Variants in MAP2K1 observed in about 807,000 individuals in gnomAD.
MAP2K1 encodes the protein dual specificity mitogen-activated protein kinase kinase 1.
MAP2K1 carries 16 observed loss-of-function variants against 46.3 expected under a neutral mutation model. The observed-to-expected ratio is 0.35, with a 90% confidence interval of 0.23 to 0.52. MAP2K1 has a LOEUF of 0.52. Ranked by LOEUF, MAP2K1 falls within the 20% of genes least tolerant of loss-of-function variation. The probability of loss-of-function intolerance (pLI) is 0.94; values close to 1 mark genes in which losing one functional copy is unlikely to be tolerated. For missense variants in MAP2K1, 263 were observed against 497.1 expected (o/e 0.53, Z 4.48); for synonymous variants, 183 against 185.6 (o/e 0.99, Z 0.11).
intron 4 of MAP2K1, 76 bp downstream of exon 4, chr15:66,443,433 G>A: frequency 1.1e-6 from 1 of 905,098 alleles, no homozygotes; most frequent in Non-Finnish European, 1.9e-6. Flanking sequence ...GGACAAGAGA[G>A]GAAGATGGGA....
intron 4 of MAP2K1, among the ~76,000 whole-genome samples, chr15:66,443,994 T>C (rs1891790757): frequency 6.6e-6 from 1 of 152,114 alleles, no homozygotes; most frequent in South Asian, 2.1e-4. Context: ...TCCCAGCACT[T>C]TGGGAGGCGG....
At chr15:66,459,146 C>G (rs1363070893) in intron 5 of MAP2K1, among the ~76,000 whole-genome samples, 1 of 151,552 alleles carries the variant, frequency 6.6e-6, no homozygotes, top group East Asian at 1.9e-4. Flanking sequence ...AACCCCGTCT[C>G]TACTAAAAAT....
Position 66,490,844 on chromosome 15 carries a change from T to C in MAP2K1, c.*229T>C. The C allele has an allele frequency of 1.6e-6, 1 of 606,372 alleles. No homozygotes were observed. Among genetic ancestry groups the C allele is most frequent in the Non-Finnish European group, 3.0e-6 (1 of 330,502 alleles). The allele number at this position is 606,372 out of a possible 1,614,324, so 37.6% of individuals were successfully genotyped here. A position where few individuals can be genotyped will look rare whatever the true frequency, so the allele number is the denominator to read the frequency against. Reference sequence around the variant, plus strand: ...GGATTGGCTTTGTGCTTGGGGCTATTTGTGTGTATGCTGATGATCAAAACC... The same window carrying C: ...GGATTGGCTTTGTGCTTGGGGCTATCTGTGTGTATGCTGATGATCAAAACC... On this transcript the variant is annotated 3_prime_UTR_variant, in exon 11 of 11. Transcript: ENST00000307102.
chr15:66,478,222 T>C (rs1420667945), intron 5 of MAP2K1, among the ~76,000 whole-genome samples: 2 of 149,788 alleles, frequency 1.3e-5, no homozygotes, highest in South Asian at 2.1e-4. Flanking sequence ...ACTCTCTCTG[T>C]CCTCACAGGG....
intron 5 of MAP2K1, among the ~76,000 whole-genome samples, chr15:66,460,773 G>C (rs1173420166): frequency 2.0e-5 from 3 of 151,984 alleles, no homozygotes; most frequent in African/African-American, 4.8e-5. Flanking sequence ...GATAAGGGGG[G>C]GTCTGAGTTA....
chr15:66,387,266 G>T lies in MAP2K1; in HGVS notation c.-82G>T. 4.7e-6 allele frequency: 6 copies of T among 1,275,086 alleles called. No individual in the cohort carries two copies. Among genetic ancestry groups the T allele is most frequent in the East Asian group, 2.5e-5 (1 of 39,250 alleles). 79.0% of individuals were successfully genotyped at this position (1,275,086 alleles called of 1,614,324 possible). A position where few individuals can be genotyped will look rare whatever the true frequency, so the allele number is the denominator to read the frequency against. On this transcript the variant is annotated 5_prime_UTR_variant, in exon 1 of 11. Coordinates refer to ENST00000307102, the MANE Select transcript of MAP2K1 (RefSeq NM_002755.4). ...CGCGGCCCGGACTTGGTCCTGCGCA[G>T]CGGGCGCGGGGCAGCGCAGCGGGAG...
At chr15:66,454,254 C>T (rs1892108108) in intron 5 of MAP2K1, among the ~76,000 whole-genome samples, 1 of 152,092 alleles carries the variant, frequency 6.6e-6, no homozygotes, top group Non-Finnish European at 1.5e-5. Flanking sequence ...AAGTCTCCAT[C>T]TCTTGTTGGG....
At chr15:66,459,576 C>G (rs1892264476) in intron 5 of MAP2K1, among the ~76,000 whole-genome samples, 1 of 151,210 alleles carries the variant, frequency 6.6e-6, no homozygotes, top group South Asian at 2.1e-4. Context: ...CAAGATCACA[C>G]CACTGCACTC....
At chr15:66,457,206 C>T (rs1211999417) in intron 5 of MAP2K1, among the ~76,000 whole-genome samples, 1 of 152,232 alleles carries the variant, frequency 6.6e-6, no homozygotes, top group Non-Finnish European at 1.5e-5. Flanking sequence ...GCAACCTCTG[C>T]CTCTCAGGTT....
At chr15:66,438,384 A>G (rs960121216) in intron 3 of MAP2K1, among the ~76,000 whole-genome samples, 1 of 151,952 alleles carries the variant, frequency 6.6e-6, no homozygotes, top group African/African-American at 2.4e-5. Context: ...ACCGTGCCCA[A>G]CCAATCTTTT....
chr15:66,468,795 G>A (rs2140645296), intron 5 of MAP2K1, among the ~76,000 whole-genome samples: 1 of 151,644 alleles, frequency 6.6e-6, no homozygotes. Flanking sequence ...GCTGGACGTG[G>A]TGGTGCGTGC....
chr15:66,415,246 A>T, intron 1 of MAP2K1: 3 of 406,358 alleles, frequency 7.4e-6, no homozygotes, highest in Admixed American at 3.2e-5. Flanking sequence ...TTTTAAGCAA[A>T]CTGTGGGCCC....
intron 5 of MAP2K1, among the ~76,000 whole-genome samples, chr15:66,448,873 G>A (rs1349130046): frequency 2.6e-5 from 4 of 151,754 alleles, no homozygotes; most frequent in East Asian, 1.9e-4. Flanking sequence ...GCGTGGTGGC[G>A]GATGCCTATA....
chr15:66,486,434 C>T (rs750888843), intron 7 of MAP2K1, among the ~76,000 whole-genome samples: 34 of 152,238 alleles, frequency 2.2e-4, no homozygotes, highest in Non-Finnish European at 4.0e-4. Context: ...TCTGTGTCCA[C>T]GGATTTGCCT....
intron 8 of MAP2K1, chr15:66,488,832 C>A: frequency 3.5e-6 from 1 of 283,158 alleles, no homozygotes; most frequent in Non-Finnish European, 6.8e-6. Context: ...TGCCGCACTC[C>A]AAGATTTACC....
At chr15:66,465,827 A>G (rs752721881) in intron 5 of MAP2K1, among the ~76,000 whole-genome samples, 3 of 152,230 alleles carry the variant, frequency 2.0e-5, no homozygotes, top group East Asian at 1.9e-4. Context: ...GATTATTTCT[A>G]TGAAGTACAG....
chr15:66,412,378 C>T (rs765923656), intron 1 of MAP2K1, among the ~76,000 whole-genome samples: 2 of 152,132 alleles, frequency 1.3e-5, no homozygotes, highest in African/African-American at 2.4e-5. Flanking sequence ...CATCTAAAAA[C>T]GAAGTCTTTA....
At chr15:66,395,922 A>C (rs2140520533) in intron 1 of MAP2K1, among the ~76,000 whole-genome samples, 1 of 152,072 alleles carries the variant, frequency 6.6e-6, no homozygotes, top group South Asian at 2.1e-4. Flanking sequence ...CTTCTGTGAA[A>C]ACAGGGACTG....
At chr15:66,414,994 A>G in intron 1 of MAP2K1, 1 of 449,904 alleles carries the variant, frequency 2.2e-6, no homozygotes, top group South Asian at 1.6e-5. Flanking sequence ...GTAGCTGAAG[A>G]GCACGTAGCT....
Sources: allele counts gnomAD v4.1 joint callset (sites outside exome capture counted in the v4.1 genomes callset), GRCh38; gene constraint gnomAD v4.1.1; transcripts MANE v1.5; gene names NCBI Gene and HGNC (gene_info 2026-07-23, HGNC 2026-07-21).